Variants in CACNA2D3 observed in about 807,000 individuals in gnomAD.
CACNA2D3 encodes the protein calcium voltage-gated channel auxiliary subunit alpha2delta 3, also known as voltage-dependent calcium channel subunit alpha-2/delta-3.
A neutral mutation model predicts 160.6 loss-of-function variants in CACNA2D3; 60 were observed. The ratio of observed to expected loss-of-function variants is 0.37; its 90% CI spans 0.30 to 0.46. The LOEUF is 0.46. Ranked by LOEUF, CACNA2D3 falls within the 20% of genes least tolerant of loss-of-function variation. CACNA2D3 has a pLI of 1.00. For synonymous variants in CACNA2D3, 558 were observed against 492.9 expected (o/e 1.13, Z -1.75); for missense variants, 1,205 against 1,365.0 (o/e 0.88, Z 1.85).
intron 3 of CACNA2D3, among the ~76,000 whole-genome samples, chr3:54,331,463 T>TC (rs967803192): frequency 6.6e-6 from 1 of 152,098 alleles, no homozygotes; most frequent in African/African-American, 2.4e-5. Context: ...CTTCCATAAT[T>TC]CCCCCACAGA....
intron 17 of CACNA2D3, among the ~76,000 whole-genome samples, chr3:54,863,159 G>A (rs567669156): frequency 7.2e-5 from 11 of 152,256 alleles, no homozygotes; most frequent in Admixed American, 5.2e-4. Flanking sequence ...ATCCACGTTC[G>A]AGAACTCAGT....
chr3:54,631,082 TAATCCCAGCTATTCGGG>T (rs1699227197), intron 10 of CACNA2D3, among the ~76,000 whole-genome samples: 1 of 152,006 alleles, frequency 6.6e-6, no homozygotes, highest in Non-Finnish European at 1.5e-5. Flanking sequence ...TAGGCGCCTG[TAATCCCAGCTATTCGGG>T]AGGCTGAGGC....
At position 54,928,187 on chromosome 3, in the gene CACNA2D3, A is replaced by G. The variant is rs1481934811; in HGVS notation, c.2449+28319A>G. 1.2e-5 allele frequency: 6 copies of G among 492,768 alleles called. No individual in the cohort carries two copies. In the South Asian group the frequency reaches 1.7e-4, roughly 14 times the overall value. The allele number at this position is 492,768 out of a possible 1,614,324, so 30.5% of individuals were successfully genotyped here. A position where few individuals can be genotyped will look rare whatever the true frequency, so the allele number is the denominator to read the frequency against. The stretch of plus-strand genomic sequence containing the variant: ...TCTTTCTTAAAATGTTGGCCTCCCC[A>G]GGATCATCCCTGCCTTTCCCATTCA... On this transcript the variant is annotated intron_variant, in intron 27 of 37. Transcript: ENST00000474759.
intron 11 of CACNA2D3, among the ~76,000 whole-genome samples, chr3:54,746,505 C>CA (rs956284375): frequency 6.6e-6 from 1 of 152,096 alleles, no homozygotes. Flanking sequence ...GGTGAGAAGA[C>CA]AGGAAGATGT....
At chr3:54,541,278 G>GAAAAAAAAAAAAAAAAAAAAAA (rs141900915) in intron 5 of CACNA2D3, among the ~76,000 whole-genome samples, 2 of 81,736 alleles carry the variant, frequency 2.4e-5, no homozygotes, top group Non-Finnish European at 4.4e-5. Context: ...CTCCGTCTCA[G>GAAAAAAAAAAAAAAAAAAAAAA]AAAAAAAAAA....
intron 17 of CACNA2D3, among the ~76,000 whole-genome samples, chr3:54,857,650 TA>T: frequency 6.6e-6 from 1 of 152,276 alleles, no homozygotes; most frequent in Admixed American, 6.5e-5. Context: ...CCCTGTCAAA[TA>T]AAAACTTTGC....
intron 4 of CACNA2D3, among the ~76,000 whole-genome samples, chr3:54,413,915 CTTT>C (rs11296998): frequency 1.0e-4 from 14 of 139,604 alleles, no homozygotes; most frequent in South Asian, 6.8e-4. Flanking sequence ...TTTTAAGTCA[CTTT>C]TTTTTTTTTT....
At chr3:54,254,596 A>C (rs1427854086) in intron 2 of CACNA2D3, among the ~76,000 whole-genome samples, 1 of 152,196 alleles carries the variant, frequency 6.6e-6, no homozygotes, top group Non-Finnish European at 1.5e-5. Flanking sequence ...GGAGATGATA[A>C]TAATGCCTAA....
chr3:54,187,372 C>CA (rs1039672346), intron 2 of CACNA2D3, among the ~76,000 whole-genome samples: 31 of 152,312 alleles, frequency 2.0e-4, no homozygotes, highest in African/African-American at 7.2e-4. Flanking sequence ...AAAGGCTTGA[C>CA]AATTGAAATA....
chr3:54,587,228 C>T (rs981357660), intron 9 of CACNA2D3, among the ~76,000 whole-genome samples: 1 of 150,896 alleles, frequency 6.6e-6, no homozygotes, highest in African/African-American at 2.4e-5. Context: ...TTCTTTAAAT[C>T]AGTAAAACTG....
At chr3:54,667,548 T>TG (rs1229140318) in intron 11 of CACNA2D3, among the ~76,000 whole-genome samples, 1 of 152,216 alleles carries the variant, frequency 6.6e-6, no homozygotes, top group African/African-American at 2.4e-5. Context: ...TGAAAACTGA[T>TG]GCATTGCCTG....
chr3:54,948,445 T>C (rs1462603020), intron 27 of CACNA2D3, among the ~76,000 whole-genome samples: 2 of 152,198 alleles, frequency 1.3e-5, no homozygotes, highest in African/African-American at 2.4e-5. Context: ...TGTCCAGAAC[T>C]TGGTTACTAA....
intron 13 of CACNA2D3, among the ~76,000 whole-genome samples, chr3:54,807,218 C>G (rs1386649432): frequency 6.6e-6 from 1 of 152,170 alleles, no homozygotes; most frequent in African/African-American, 2.4e-5. Context: ...TCTAACTAAA[C>G]TGAAGAGCTT....
At chr3:54,216,149 G>T (rs957292479) in intron 2 of CACNA2D3, among the ~76,000 whole-genome samples, 1 of 151,782 alleles carries the variant, frequency 6.6e-6, no homozygotes, top group Admixed American at 6.6e-5. Flanking sequence ...GTGTGTGTGT[G>T]TGTGTATGGT....
At chr3:54,195,152 A>T (rs1286871842) in intron 2 of CACNA2D3, among the ~76,000 whole-genome samples, 2 of 152,332 alleles carry the variant, frequency 1.3e-5, no homozygotes, top group African/African-American at 4.8e-5. Context: ...CGCCTCCCAG[A>T]GGTCCAAATC....
At chr3:54,997,946 C>T (rs1253535150) in intron 31 of CACNA2D3, among the ~76,000 whole-genome samples, 1 of 152,114 alleles carries the variant, frequency 6.6e-6, no homozygotes, top group Non-Finnish European at 1.5e-5. Context: ...GTTTGGGAAG[C>T]AGTTTAAGTG....
At chr3:54,853,701 C>A (rs928208024) in intron 17 of CACNA2D3, among the ~76,000 whole-genome samples, 3 of 152,202 alleles carry the variant, frequency 2.0e-5, no homozygotes, top group Non-Finnish European at 4.4e-5. Context: ...AAAGTCTCTG[C>A]TTTTCCTTAG....
chr3:54,165,437 GC>G (rs1397868039), intron 2 of CACNA2D3, among the ~76,000 whole-genome samples: 3 of 151,920 alleles, frequency 2.0e-5, no homozygotes, highest in African/African-American at 7.3e-5. Context: ...GTTCAACAGG[GC>G]CCTCTGCTCC....
chr3:54,416,964 AC>A (rs1699763929), intron 4 of CACNA2D3, among the ~76,000 whole-genome samples: 1 of 152,186 alleles, frequency 6.6e-6, no homozygotes, highest in Non-Finnish European at 1.5e-5. Flanking sequence ...GCAGGTGTCC[AC>A]CCGTCTCCAC....
Sources: gnomAD v4.1 joint callset for allele counts (sites outside exome capture counted in the v4.1 genomes callset) on GRCh38, gnomAD v4.1.1 for gene constraint, MANE v1.5 for transcripts, NCBI Gene and HGNC (gene_info 2026-07-23, HGNC 2026-07-21) for gene names.